The following ZNF385D variants were observed in gnomAD, a reference collection of about 807,000 sequenced individuals.
ZNF385D encodes the protein zinc finger protein 385D, also known as zinc finger protein 659.
A neutral mutation model predicts 35.8 loss-of-function variants in ZNF385D; 15 were observed. That is an observed-to-expected ratio of 0.42 (90% confidence interval 0.28 to 0.64). ZNF385D has a LOEUF of 0.64. Among genes scored for constraint, ZNF385D ranks in the 30% least tolerant of loss-of-function variants. The pLI is 0.23. For missense variants in ZNF385D, 474 were observed against 494.6 expected (o/e 0.96, Z 0.39); for synonymous variants, 212 against 186.8 (o/e 1.13, Z -1.10).
At chr3:21,963,147 T>C (rs1028999750) in intron 3 of ZNF385D, among the ~76,000 whole-genome samples, 1 of 152,166 alleles carries the variant, frequency 6.6e-6, no homozygotes, top group Non-Finnish European at 1.5e-5. Context: ...AAAATGCTCA[T>C]TTTCTTTTCT....
At chr3:21,711,783 T>C (rs965842550) in intron 1 of ZNF385D, among the ~76,000 whole-genome samples, 26 of 152,330 alleles carry the variant, frequency 1.7e-4, no homozygotes, top group African/African-American at 6.3e-4. Context: ...CCAAGAGCTG[T>C]GGGAAAGAAT....
intron 3 of ZNF385D, among the ~76,000 whole-genome samples, chr3:21,947,507 T>A (rs1237524404): frequency 6.6e-6 from 1 of 151,996 alleles, no homozygotes; most frequent in Non-Finnish European, 1.5e-5. Flanking sequence ...TGCACCACCA[T>A]GCCTGGCTAA....
intron 3 of ZNF385D, among the ~76,000 whole-genome samples, chr3:22,160,759 C>T (rs1705898161): frequency 6.6e-6 from 1 of 151,862 alleles, no homozygotes; most frequent in African/African-American, 2.4e-5. Context: ...GCAGTTTCAG[C>T]CCAATAAAAA....
At chr3:21,472,416 A>T (rs2125347954) in intron 4 of ZNF385D, among the ~76,000 whole-genome samples, 1 of 152,094 alleles carries the variant, frequency 6.6e-6, no homozygotes, top group Non-Finnish European at 1.5e-5. Flanking sequence ...AAGGTGGTCA[A>T]CTCCAATTTA....
At chr3:22,132,271 T>C (rs114458360) in intron 3 of ZNF385D, among the ~76,000 whole-genome samples, 376 of 152,232 alleles carry the variant, frequency 2.5e-3, no homozygotes, top group African/African-American at 8.7e-3. Context: ...CCTTCTAACA[T>C]ATGAGAACAC....
chr3:22,175,789 GCAT>G (rs1398059507), intron 2 of ZNF385D, among the ~76,000 whole-genome samples: 6 of 150,812 alleles, frequency 4.0e-5, no homozygotes, highest in Admixed American at 3.3e-4. Context: ...TAGATTTTAT[GCAT>G]CATATTTGGA....
intron 3 of ZNF385D, among the ~76,000 whole-genome samples, chr3:22,140,165 G>GT (rs1238417543): frequency 2.6e-5 from 4 of 152,120 alleles, no homozygotes; most frequent in Non-Finnish European, 5.9e-5. Context: ...TAGGAGCTTT[G>GT]TAATATTCAA....
At chr3:21,538,052 T>C (rs887834094) in intron 3 of ZNF385D, among the ~76,000 whole-genome samples, 1 of 152,004 alleles carries the variant, frequency 6.6e-6, no homozygotes, top group African/African-American at 2.4e-5. Flanking sequence ...TTGAATCTAG[T>C]GTGTGAAATA....
chr3:22,012,357 C>T (rs1370056668), intron 3 of ZNF385D, among the ~76,000 whole-genome samples: 4 of 152,122 alleles, frequency 2.6e-5, no homozygotes, highest in African/African-American at 9.7e-5. Context: ...AAGGACATAA[C>T]ATGCTAACTA....
At chr3:21,773,596 A>G (rs1179263210) in intron 3 of ZNF385D, among the ~76,000 whole-genome samples, 1 of 151,976 alleles carries the variant, frequency 6.6e-6, no homozygotes, top group Non-Finnish European at 1.5e-5. Flanking sequence ...CAATCCCATT[A>G]AAAAGTGGGC....
chr3:21,805,660 G>C (rs556351399), intron 3 of ZNF385D, among the ~76,000 whole-genome samples: 38 of 152,186 alleles, frequency 2.5e-4, no homozygotes, highest in African/African-American at 8.9e-4. Flanking sequence ...TCTGACATTC[G>C]GGTTTCTCCT....
At chr3:22,324,726 T>G (rs1236007135) in intron 2 of ZNF385D, among the ~76,000 whole-genome samples, 3 of 152,130 alleles carry the variant, frequency 2.0e-5, no homozygotes, top group Non-Finnish European at 4.4e-5. Flanking sequence ...ATACAGCATT[T>G]TGAAAAAAGA....
chr3:21,884,277 C>T (rs945897926), intron 3 of ZNF385D, among the ~76,000 whole-genome samples: 1 of 152,032 alleles, frequency 6.6e-6, no homozygotes, highest in African/African-American at 2.4e-5. Flanking sequence ...GCACTTAGCA[C>T]AGAGTGTGCC....
chr3:21,970,595 G>A (rs948866836), intron 3 of ZNF385D, among the ~76,000 whole-genome samples: 1 of 150,876 alleles, frequency 6.6e-6, no homozygotes, highest in Admixed American at 6.6e-5. Context: ...AGGAGTTATT[G>A]GCCTTAAAGA....
chr3:21,794,040 T>C (rs547111078), intron 3 of ZNF385D, among the ~76,000 whole-genome samples: 8 of 152,260 alleles, frequency 5.3e-5, no homozygotes, highest in African/African-American at 1.7e-4. Flanking sequence ...TGGAAGAAGA[T>C]ATGGAGAGAG....
chr3:22,297,636 C>A (rs1319849167), intron 2 of ZNF385D, among the ~76,000 whole-genome samples: 1 of 152,078 alleles, frequency 6.6e-6, no homozygotes, highest in African/African-American at 2.4e-5. Context: ...AATGAGTAAT[C>A]TGACCTCAGG....
At chr3:22,209,734 CTTTCA>C (rs1369283564) in intron 2 of ZNF385D, among the ~76,000 whole-genome samples, 1 of 144,016 alleles carries the variant, frequency 6.9e-6, no homozygotes, top group African/African-American at 2.6e-5. Context: ...ATTTACTTGG[CTTTCA>C]TTTATGATTT....
At chr3:21,859,382 A>G (rs1696914042) in intron 3 of ZNF385D, among the ~76,000 whole-genome samples, 1 of 151,538 alleles carries the variant, frequency 6.6e-6, no homozygotes, top group Non-Finnish European at 1.5e-5. Flanking sequence ...CCTCTTAAGT[A>G]GTTAGTTGTC....
intron 2 of ZNF385D, among the ~76,000 whole-genome samples, chr3:22,310,907 ATTTG>A (rs1370509260): frequency 6.6e-6 from 1 of 151,766 alleles, no homozygotes; most frequent in Non-Finnish European, 1.5e-5. Context: ...ATTTAAATAT[ATTTG>A]TTTCAGTGTT....
Sources: gnomAD v4.1 joint callset for allele counts (sites outside exome capture counted in the v4.1 genomes callset) on GRCh38, gnomAD v4.1.1 for gene constraint, MANE v1.5 for transcripts, NCBI Gene and HGNC (gene_info 2026-07-23, HGNC 2026-07-21) for gene names.